The following CYBRD1 variants were observed in gnomAD, a reference collection of about 807,000 sequenced individuals.
CYBRD1 encodes the protein plasma membrane ascorbate-dependent reductase CYBRD1.
CYBRD1 carries 14 observed loss-of-function variants against 21.9 expected under a neutral mutation model. That is an observed-to-expected ratio of 0.64 (90% confidence interval 0.42 to 1.00). CYBRD1 has a LOEUF of 1.00. CYBRD1 is among the 50% of genes least tolerant of loss of function. CYBRD1 has a pLI of 0.00. For missense variants in CYBRD1, 328 were observed against 352.5 expected (o/e 0.93, Z 0.56); for synonymous variants, 146 against 136.5 (o/e 1.07, Z -0.48).
chr2:171,522,653 G>A lies in CYBRD1; in HGVS notation c.108G>A (p.Glu36=), dbSNP rs1194614129. The A allele has an allele frequency of 1.2e-6, 2 of 1,613,572 alleles. No homozygotes were observed. Among genetic ancestry groups the A allele is most frequent in the East Asian group, 2.2e-5 (1 of 44,876 alleles). The change falls in exon 1 of 4, where the codon GAG becomes GAA. Residue 36 remains glutamate (E), a synonymous_variant. Transcript: ENST00000321348. This position sits in a 1 kb window ranked among gnomAD's most constrained non-coding sequence, Gnocchi z 4.3. ...TCGTCTGGGTCCTCCACTACCGAGA[G>A]GGGCTTGGCTGGGATGGGAGCGCAC... The part of the protein sequence containing the change: ...FALVWVLHYR[E]GLGWDGSALE...
At chr2:171,530,600 C>A (rs1166790071) in intron 1 of CYBRD1, among the ~76,000 whole-genome samples, 1 of 152,144 alleles carries the variant, frequency 6.6e-6, no homozygotes, top group Non-Finnish European at 1.5e-5. Context: ...TTCCACTTAG[C>A]CCCAGTGGAT....
At position 171,553,511 on chromosome 2, in the gene CYBRD1, T is replaced by C; in HGVS notation, c.557+11T>C. ...ACTGATTTTTTCCCTGTAAGTTGCA[T>C]AGTCTTCTTAATTGTAATACTTAAG... On this transcript the variant is annotated intron_variant, in intron 3 of 3. Transcript: ENST00000321348. The C allele has an allele frequency of 6.2e-7, 1 of 1,609,566 alleles. No homozygotes were observed. The highest frequency in any genetic ancestry group is 1.1e-5 in the South Asian group (1 of 90,108).
At chr2:171,553,271 AT>A (rs1683418668) in intron 2 of CYBRD1, 74 bp from the exon 3 acceptor site, 1 of 1,541,436 alleles carries the variant, frequency 6.5e-7, no homozygotes, top group Non-Finnish European at 8.9e-7. Context: ...TATTACACAT[AT>A]TGCTTTTTAA....
At chr2:171,528,855 C>T (rs748323002) in intron 1 of CYBRD1, among the ~76,000 whole-genome samples, 17 of 152,302 alleles carry the variant, frequency 1.1e-4, no homozygotes, top group Non-Finnish European at 2.2e-4. Flanking sequence ...TCGTTCAGGA[C>T]GAAATTATGC....
intron 1 of CYBRD1, among the ~76,000 whole-genome samples, chr2:171,539,538 C>T (rs66975464): frequency 0.17 from 25,844 of 152,070 alleles, 2,290 homozygotes; most frequent in Non-Finnish European, 0.18. Flanking sequence ...AGGAAGTATT[C>T]TATAAACTTT....
chr2:171,550,194 C>T (rs1345342240), intron 2 of CYBRD1, among the ~76,000 whole-genome samples: 2 of 152,188 alleles, frequency 1.3e-5, no homozygotes, highest in African/African-American at 2.4e-5. Context: ...CAACCTCCGC[C>T]ATCCGGGTTC....
chr2:171,536,972 C>T (rs1427941151), intron 1 of CYBRD1, among the ~76,000 whole-genome samples: 1 of 152,052 alleles, frequency 6.6e-6, no homozygotes, highest in Non-Finnish European at 1.5e-5. Context: ...AAAAAAACAA[C>T]AATATTAATT....
At chr2:171,547,471 T>C (rs1697734469) in intron 2 of CYBRD1, among the ~76,000 whole-genome samples, 2 of 150,804 alleles carry the variant, frequency 1.3e-5, no homozygotes, top group South Asian at 4.2e-4. Context: ...TGCTTTTTAT[T>C]GTGAGAAGTT....
chr2:171,554,771 G>A lies in CYBRD1; in HGVS notation c.805G>A (p.Ala269Thr), dbSNP rs372035306. 1 of 1,613,944 alleles carries A rather than the reference G, an allele frequency of 6.2e-7. No homozygotes were observed. The highest frequency in any genetic ancestry group is 8.5e-7 in the Non-Finnish European group (1 of 1,179,910). The change falls in exon 4 of 4, where the codon GCA (alanine) becomes ACA (threonine). Residue 269 changes from alanine to threonine, a missense_variant. Ala to Thr is a moderately conservative substitution (Grantham distance 58). Transcript: ENST00000321348. ...KSDSELNSEVAARKRNLALDE... is the reference protein window; with the variant it reads ...KSDSELNSEVTARKRNLALDE... ...AGATTCAGAGTTAAACAGTGAAGTA[G>A]CAGCAAGGAAAAGAAACTTAGCTCT...
chr2:171,533,415 A>G (rs1697499483), intron 1 of CYBRD1, among the ~76,000 whole-genome samples: 1 of 152,230 alleles, frequency 6.6e-6, no homozygotes, highest in Non-Finnish European at 1.5e-5. Flanking sequence ...CTATATGCCA[A>G]GCTCTATGCT....
chr2:171,533,770 C>CTTTTTTTTTTTT (rs10707105), intron 1 of CYBRD1, among the ~76,000 whole-genome samples: 2 of 130,716 alleles, frequency 1.5e-5, no homozygotes, highest in Non-Finnish European at 3.2e-5. Flanking sequence ...TTCTTTCTTT[C>CTTTTTTTTTTTT]TTTTTTTTTT....
At chr2:171,541,856 C>CTT in intron 2 of CYBRD1, 63 bp downstream of exon 2, 1 of 870,348 alleles carries the variant, frequency 1.1e-6, no homozygotes, top group Non-Finnish European at 1.7e-6. Flanking sequence ...TAAATGTTTT[C>CTT]TTTTCTTTTT....
rs1440673552 is a variant in CYBRD1 at position 171,522,911 on chromosome 2, C to T, written c.193+173C>T. ...GTCGGCTGGGCGGGAGGGAGGCTGG[C>T]TGGCTCTGGGGCGGGACAGAGCTGC... On this transcript the variant is annotated intron_variant, in intron 1 of 3. Coordinates refer to ENST00000321348, the MANE Select transcript of CYBRD1 (RefSeq NM_024843.4). This position sits in a 1 kb window ranked among gnomAD's most constrained non-coding sequence, Gnocchi z 4.3. Among the ~76,000 whole-genome samples the T allele has an allele frequency of 6.6e-6, 1 of 151,800 alleles. No individual in the cohort carries two copies. Among genetic ancestry groups the T allele is most frequent in the African/African-American group, 2.4e-5 (1 of 41,330 alleles).
intron 1 of CYBRD1, among the ~76,000 whole-genome samples, chr2:171,533,270 G>A (rs1697497192): frequency 6.6e-6 from 1 of 152,184 alleles, no homozygotes. Flanking sequence ...TGGAGGCTGA[G>A]GCATGAGAAT....
At position 171,533,844 on chromosome 2, in the gene CYBRD1, ACAGGTGTGAGCCAC is replaced by A. The variant is rs372334795; in HGVS notation, c.194-7738_194-7725del. On this transcript the variant is annotated intron_variant, in intron 1 of 3. Transcript: ENST00000321348. Reference sequence around the variant, plus strand: ...TGGAGTGCAGTGGCTCACTGGGACTACAGGTGTGAGCCACCATGCCCGGCTAATTTTTCTATTTT... The same window carrying A: ...TGGAGTGCAGTGGCTCACTGGGACTACATGCCCGGCTAATTTTTCTATTTT... Among the ~76,000 whole-genome samples, 384 of 147,608 alleles carry A rather than the reference ACAGGTGTGAGCCAC, an allele frequency of 2.6e-3. 4 individuals are homozygous for A. The highest frequency in any genetic ancestry group is 9.2e-3 in the African/African-American group (370 of 40,040).
At position 171,541,802 on chromosome 2, in the gene CYBRD1, T is replaced by C; in HGVS notation, c.402+9T>C. ...TATGCTATTTGTTACAGGTCAGTATTTCAGTGTATTTACAAGCAAGTTATA... is the reference window on the plus strand; with the variant it reads ...TATGCTATTTGTTACAGGTCAGTATCTCAGTGTATTTACAAGCAAGTTATA... On this transcript the variant is annotated intron_variant, in intron 2 of 3. Transcript: ENST00000321348. 1 of 1,599,378 alleles carries C rather than the reference T, an allele frequency of 6.3e-7. No homozygotes were observed.
At position 171,541,651 on chromosome 2, in the gene CYBRD1, C is replaced by T. The variant is rs1401978321; in HGVS notation, c.260C>T (p.Ala87Val). The T allele has an allele frequency of 6.2e-7, 1 of 1,613,908 alleles. No individual in the cohort carries two copies. Among genetic ancestry groups the T allele is most frequent in the Non-Finnish European group, 8.5e-7 (1 of 1,179,982 alleles). ...CSKLLMKSIH[A>V]GLNAVAAILA... ...AAGCTCCTGATGAAATCCATCCATG[C>T]AGGGTTAAATGCAGTTGCTGCCATT... The change falls in exon 2 of 4, where the codon GCA becomes GTA. Residue 87 changes from alanine to valine, a missense_variant. By Grantham distance (64) the Ala-to-Val change is moderately conservative. Transcript: ENST00000321348.
In CYBRD1 at chr2:171,555,005, A is replaced by G. The variant is rs1683457892; in HGVS notation, c.*178A>G. The G allele has an allele frequency of 1.5e-6, 1 of 669,124 alleles. No individual in the cohort carries two copies. Among genetic ancestry groups the G allele is most frequent in the Non-Finnish European group, 2.5e-6 (1 of 394,424 alleles). The allele number at this position is 669,124 out of a possible 1,614,324, so 41.4% of individuals were successfully genotyped here. ...AGGCCTATGAACTGACCTGAATTGG[A>G]AAGGATGTGATTAATATAAATAATA... is the stretch of plus-strand genomic sequence containing the variant. On this transcript the variant is annotated 3_prime_UTR_variant, in exon 4 of 4. Transcript: ENST00000321348.
At chr2:171,530,038 T>G (rs1697441093) in intron 1 of CYBRD1, among the ~76,000 whole-genome samples, 2 of 152,140 alleles carry the variant, frequency 1.3e-5, no homozygotes, top group African/African-American at 4.8e-5. Context: ...GAAGGAGATT[T>G]GAGACAAAGA....
Sources: gnomAD v4.1 joint callset for allele counts (sites outside exome capture counted in the v4.1 genomes callset) on GRCh38, gnomAD v4.1.1 for gene constraint, Gnocchi (gnomAD v3.1) non-coding constraint, MANE v1.5 for transcripts, NCBI Gene and HGNC (gene_info 2026-07-23, HGNC 2026-07-21) for gene names.